ATG5: variants seen among roughly 807,000 people sequenced by gnomAD.
ATG5 encodes autophagy related 5.
Under a neutral mutation model 36.5 loss-of-function variants are expected in ATG5, and 14 were observed. That is an observed-to-expected ratio of 0.38 (90% CI 0.25 to 0.60). The LOEUF (loss-of-function observed/expected upper bound fraction) is 0.60, where lower values mean the gene tolerates loss of function less well. Ranked by LOEUF, ATG5 falls within the 20% of genes least tolerant of loss-of-function variation. ATG5 has a pLI of 0.60. For missense variants in ATG5, 195 were observed against 326.7 expected (o/e 0.60, Z 3.11); for synonymous variants, 95 against 101.5 (o/e 0.94, Z 0.38).
intron 3 of ATG5, among the ~76,000 whole-genome samples, chr6:106,305,926 G>A (rs922299382): frequency 6.6e-6 from 1 of 152,194 alleles, no homozygotes; most frequent in Non-Finnish European, 1.5e-5. Context: ...TTACATTTAT[G>A]GCTCTGGAAG....
At chr6:106,303,972 A>T (rs1582677018) in intron 3 of ATG5, among the ~76,000 whole-genome samples, 1 of 148,470 alleles carries the variant, frequency 6.7e-6, no homozygotes, top group South Asian at 2.2e-4. Flanking sequence ...TACTCCAATA[A>T]GGAAAAAAAA....
chr6:106,251,236 T>C (rs1344311328), intron 5 of ATG5, among the ~76,000 whole-genome samples: 2 of 152,226 alleles, frequency 1.3e-5, no homozygotes, highest in African/African-American at 4.8e-5. Context: ...CAGGTTGCCC[T>C]GACTGCCAAT....
At chr6:106,199,243 A>G (rs1776324615) in intron 7 of ATG5, among the ~76,000 whole-genome samples, 2 of 152,332 alleles carry the variant, frequency 1.3e-5, no homozygotes, top group African/African-American at 4.8e-5. Context: ...AATGAAAACA[A>G]ATGTCCACAG....
chr6:106,238,249 C>G (rs1777974974), intron 6 of ATG5, among the ~76,000 whole-genome samples: 1 of 152,170 alleles, frequency 6.6e-6, no homozygotes, highest in South Asian at 2.1e-4. Flanking sequence ...TGGCTCACCA[C>G]AATCTCCACC....
At chr6:106,239,164 A>C (rs913453542) in intron 6 of ATG5, among the ~76,000 whole-genome samples, 1 of 137,086 alleles carries the variant, frequency 7.3e-6, no homozygotes, top group Non-Finnish European at 1.6e-5. Flanking sequence ...ATAAAGCAAG[A>C]AAAAAAAAAG....
At chr6:106,270,886 G>C (rs140156517) in intron 5 of ATG5, among the ~76,000 whole-genome samples, 43 of 152,096 alleles carry the variant, frequency 2.8e-4, no homozygotes, top group African/African-American at 9.2e-4. Flanking sequence ...TCTACATCCA[G>C]CCTAACAACA....
chr6:106,188,080 T>C (rs1279713458), intron 7 of ATG5, among the ~76,000 whole-genome samples: 2 of 152,198 alleles, frequency 1.3e-5, no homozygotes, highest in African/African-American at 4.8e-5. Flanking sequence ...GTTGTGACCA[T>C]AGTGTTAATA....
At chr6:106,287,757 C>T (rs993167461) in intron 4 of ATG5, among the ~76,000 whole-genome samples, 3 of 152,026 alleles carry the variant, frequency 2.0e-5, no homozygotes, top group East Asian at 1.9e-4. Context: ...AAATTCCATG[C>T]ACTGTTCTCA....
At chr6:106,224,454 T>C (rs923975899) in intron 6 of ATG5, among the ~76,000 whole-genome samples, 1 of 152,192 alleles carries the variant, frequency 6.6e-6, no homozygotes, top group Non-Finnish European at 1.5e-5. Context: ...ATTGACCTGG[T>C]AACTTGAAGA....
At chr6:106,247,385 T>C (rs1778382222) in intron 6 of ATG5, among the ~76,000 whole-genome samples, 1 of 152,214 alleles carries the variant, frequency 6.6e-6, no homozygotes, top group African/African-American at 2.4e-5. Context: ...TACAGAAACA[T>C]GGAGTTTCTT....
At chr6:106,268,431 G>A (rs544206029) in intron 5 of ATG5, among the ~76,000 whole-genome samples, 14 of 152,276 alleles carry the variant, frequency 9.2e-5, no homozygotes, top group African/African-American at 2.6e-4. Context: ...CTGTTGGTGC[G>A]AGTGTAAATT....
At chr6:106,294,835 C>A (rs1224536838) in intron 3 of ATG5, among the ~76,000 whole-genome samples, 1 of 117,648 alleles carries the variant, frequency 8.5e-6, no homozygotes, top group African/African-American at 3.5e-5. Flanking sequence ...AGAGTGAGAC[C>A]TTTTCTCAAG....
At chr6:106,263,339 C>CA (rs1779101586) in intron 5 of ATG5, among the ~76,000 whole-genome samples, 1 of 152,190 alleles carries the variant, frequency 6.6e-6, no homozygotes, top group African/African-American at 2.4e-5. Context: ...GTAATGGCCC[C>CA]ACTCATGGGC....
intron 4 of ATG5, among the ~76,000 whole-genome samples, chr6:106,287,220 G>A (rs1433614034): frequency 1.3e-5 from 2 of 152,222 alleles, no homozygotes; most frequent in Admixed American, 6.5e-5. Context: ...ATAACAGGAG[G>A]AGGGACATGA....
At chr6:106,218,474 T>C (rs781254990) in intron 6 of ATG5, among the ~76,000 whole-genome samples, 2 of 152,218 alleles carry the variant, frequency 1.3e-5, no homozygotes, top group African/African-American at 4.8e-5. Flanking sequence ...GTATGTGATA[T>C]GGCTTAGAAA....
chr6:106,310,999 C>T (rs531351989), intron 2 of ATG5, among the ~76,000 whole-genome samples: 1 of 152,116 alleles, frequency 6.6e-6, no homozygotes, highest in Non-Finnish European at 1.5e-5. Context: ...ATCTATACAG[C>T]TTAAAAGAAT....
intron 1 of ATG5, among the ~76,000 whole-genome samples, chr6:106,325,117 G>T (rs1180489410): frequency 6.6e-6 from 1 of 152,194 alleles, no homozygotes; most frequent in Non-Finnish European, 1.5e-5. Context: ...TTGAGACAGG[G>T]AATATCGTAA....
At chr6:106,260,184 C>A (rs557064161) in intron 5 of ATG5, among the ~76,000 whole-genome samples, 34 of 152,222 alleles carry the variant, frequency 2.2e-4, no homozygotes, top group Admixed American at 1.3e-4. Context: ...GTGCAGCAAA[C>A]CAACATGGCA....
At chr6:106,191,270 T>C (rs1198781317) in intron 7 of ATG5, among the ~76,000 whole-genome samples, 4 of 152,154 alleles carry the variant, frequency 2.6e-5, no homozygotes, top group African/African-American at 9.7e-5. Context: ...CAAAATTTTA[T>C]GTAGAAACCC....
Sources: gnomAD v4.1 joint callset for allele counts (sites outside exome capture counted in the v4.1 genomes callset) on GRCh38, gnomAD v4.1.1 for gene constraint, MANE v1.5 for transcripts, NCBI Gene and HGNC (gene_info 2026-07-23, HGNC 2026-07-21) for gene names.